The following KIDINS220 variants were observed in gnomAD, a reference collection of about 807,000 sequenced individuals.
KIDINS220 encodes the protein kinase D-interacting substrate of 220 kDa.
In KIDINS220, 63 loss-of-function variants were observed where a neutral mutation model predicts 157.6. The observed-to-expected ratio is 0.40, with a 90% CI of 0.33 to 0.49. The LOEUF (loss-of-function observed/expected upper bound fraction) is 0.49, where lower values mean the gene tolerates loss of function less well. Ranked by LOEUF, KIDINS220 falls within the 20% of genes least tolerant of loss-of-function variation. The probability of loss-of-function intolerance (pLI) is 0.66; values close to 1 mark genes in which losing one functional copy is unlikely to be tolerated. For missense variants in KIDINS220, 1,772 were observed against 2,171.2 expected (o/e 0.82, Z 3.65); for synonymous variants, 732 against 783.6 (o/e 0.93, Z 1.10).
At chr2:8,799,108 T>A (rs1674350421) in intron 9 of KIDINS220, among the ~76,000 whole-genome samples, 1 of 152,020 alleles carries the variant, frequency 6.6e-6, no homozygotes, top group Non-Finnish European at 1.5e-5. Flanking sequence ...ATTTCATTTC[T>A]CCACCTCTCC....
chr2:8,836,825 A>T (rs1423282151), intron 1 of KIDINS220, among the ~76,000 whole-genome samples: 1 of 152,220 alleles, frequency 6.6e-6, no homozygotes, highest in Admixed American at 6.5e-5. Context: ...GCCCATAGGG[A>T]GCAGAGATGG....
intron 2 of KIDINS220, among the ~76,000 whole-genome samples, chr2:8,819,380 G>A (rs1677566502): frequency 6.6e-6 from 1 of 152,164 alleles, no homozygotes; most frequent in Non-Finnish European, 1.5e-5. Flanking sequence ...GGAGTACAGA[G>A]ACGATGCTCC....
chr2:8,732,158 G>A (rs2147948399), intron 29 of KIDINS220, among the ~76,000 whole-genome samples, 176 bp from the exon 30 acceptor site: 1 of 152,250 alleles, frequency 6.6e-6, no homozygotes, highest in South Asian at 2.1e-4. Flanking sequence ...TTATAATGCT[G>A]TTACTAGAAA....
chr2:8,796,597 GCCCA>G (rs957303009), intron 11 of KIDINS220, among the ~76,000 whole-genome samples, 170 bp downstream of exon 11: 1 of 152,088 alleles, frequency 6.6e-6, no homozygotes, highest in African/African-American at 2.4e-5. Flanking sequence ...AGCACACTGA[GCCCA>G]CCCACTCCTC....
intron 8 of KIDINS220, 126 bp downstream of exon 8, chr2:8,802,804 G>A (rs1674902428): frequency 1.4e-6 from 1 of 690,452 alleles, no homozygotes; most frequent in African/African-American, 1.8e-5. Context: ...TAGTTTCAAA[G>A]GCAGAAATAA....
chr2:8,753,744 G>A (rs1383435105), intron 22 of KIDINS220, among the ~76,000 whole-genome samples: 1 of 152,158 alleles, frequency 6.6e-6, no homozygotes, highest in East Asian at 1.9e-4. Flanking sequence ...TTTGGGACTA[G>A]CACTTTACTG....
intron 28 of KIDINS220, among the ~76,000 whole-genome samples, chr2:8,733,885 C>A (rs1383545066): frequency 6.6e-6 from 1 of 152,088 alleles, no homozygotes; most frequent in Non-Finnish European, 1.5e-5. Context: ...TGGTAGAAAC[C>A]ACCATACATA....
chr2:8,751,456 T>C lies in KIDINS220; in HGVS notation c.3190+10A>G. 6.3e-7 allele frequency: 1 copy of C among 1,591,586 alleles called. No homozygotes were observed. Among genetic ancestry groups the C allele is most frequent in the East Asian group, 2.2e-5 (1 of 44,756 alleles). On this transcript the variant is annotated intron_variant, in intron 23 of 29. Transcript: ENST00000256707. ...TTAGATGAAAAATTAAATTTACTAC[T>C]AATACCCACCTGCAATAATTTCCCG...
chr2:8,769,380 A>G (rs1453255178), intron 22 of KIDINS220, among the ~76,000 whole-genome samples: 1 of 152,226 alleles, frequency 6.6e-6, no homozygotes, highest in East Asian at 1.9e-4. Context: ...TAAAGCAGCC[A>G]CAAATTCCTT....
At chr2:8,772,189 G>A (rs1227863927) in intron 21 of KIDINS220, among the ~76,000 whole-genome samples, 1 of 152,020 alleles carries the variant, frequency 6.6e-6, no homozygotes, top group Non-Finnish European at 1.5e-5. Context: ...AAGTATGAGT[G>A]AATAGGCCAG....
chr2:8,835,453 C>G (rs375367468), intron 1 of KIDINS220, among the ~76,000 whole-genome samples: 1 of 152,092 alleles, frequency 6.6e-6, no homozygotes, highest in Non-Finnish European at 1.5e-5. Context: ...AAACCAGAGA[C>G]TGGGCCAATC....
chr2:8,749,150 T>C (rs945523961), intron 24 of KIDINS220, among the ~76,000 whole-genome samples: 1 of 152,218 alleles, frequency 6.6e-6, no homozygotes, highest in African/African-American at 2.4e-5. Context: ...CTTTAAACAG[T>C]ACCTAATTAC....
intron 1 of KIDINS220, among the ~76,000 whole-genome samples, chr2:8,832,689 A>C (rs747556217): frequency 5.3e-5 from 8 of 152,156 alleles, no homozygotes; most frequent in Non-Finnish European, 1.0e-4. Flanking sequence ...TTTCAATAGA[A>C]AAAAAAATGT....
Position 8,779,695 on chromosome 2 carries a change from T to C in KIDINS220, c.2349A>G (p.Lys783=). Residue 783 remains lysine, a synonymous_variant, in exon 18 of 30, where the codon AAA becomes AAG. Transcript: ENST00000256707. Reference sequence around the variant, plus strand: ...GTACAGTGTCCAGCATCTGAAGGACTTTGTCCTGCTCACAGGCATCTAATC... The same window carrying C: ...GTACAGTGTCCAGCATCTGAAGGACCTTGTCCTGCTCACAGGCATCTAATC... ...IDGLDACEQD[K]VLQMLDTVRV... is the part of the protein sequence containing the mutation. 1 of 1,614,126 alleles carries C rather than the reference T, an allele frequency of 6.2e-7. No homozygotes were observed. Among genetic ancestry groups the C allele is most frequent in the Non-Finnish European group, 8.5e-7 (1 of 1,179,976 alleles).
In KIDINS220 at chr2:8,744,389, ATATATATATATAATATATATATAT is replaced by A. The variant is rs1250232757; in HGVS notation, c.3585+2732_3585+2755del. ...AAAAAAAAAAAAAAAAAAAAAAAAA[ATATATATATATAATATATATATAT>A]ATATATATATATATATATATATATA... is the stretch of plus-strand genomic sequence containing the variant. On this transcript the variant is annotated intron_variant, in intron 26 of 29. Coordinates refer to ENST00000256707, the MANE Select transcript of KIDINS220 (RefSeq NM_020738.4). Among the ~76,000 whole-genome samples the A allele has an allele frequency of 2.9e-4, 8 of 27,890 alleles. No individual in the cohort carries two copies. The South Asian group carries it at 6.5e-3, about 23-fold the overall frequency. 18.3% of individuals were successfully genotyped at this position (27,890 alleles called of 152,430 possible). A position where few individuals can be genotyped will look rare whatever the true frequency, so the allele number is the denominator to read the frequency against.
At chr2:8,804,658 T>C in intron 7 of KIDINS220, among the ~76,000 whole-genome samples, 1 of 152,368 alleles carries the variant, frequency 6.6e-6, no homozygotes, top group Middle Eastern at 3.4e-3. Context: ...AAAAATATTT[T>C]AATGCAGCAC....
chr2:8,764,550 A>G (rs1463798592), intron 22 of KIDINS220, among the ~76,000 whole-genome samples: 3 of 152,236 alleles, frequency 2.0e-5, no homozygotes, highest in Non-Finnish European at 4.4e-5. Flanking sequence ...GACATAAGGC[A>G]GAAGCCGCCA....
chr2:8,726,883 A>C (rs893846129), downstream of KIDINS220: 87 of 1,286,314 alleles, frequency 6.8e-5, no homozygotes, highest in Non-Finnish European at 8.4e-5. Context: ...AATTTTTTAC[A>C]TACCTTAGTT....
chr2:8,748,528 A>G (rs1666875818), intron 24 of KIDINS220, among the ~76,000 whole-genome samples: 1 of 152,216 alleles, frequency 6.6e-6, no homozygotes, highest in Non-Finnish European at 1.5e-5. Flanking sequence ...AACCTAAATA[A>G]GCAAGCATAT....
Sources: gnomAD v4.1 joint callset for allele counts (sites outside exome capture counted in the v4.1 genomes callset) on GRCh38, gnomAD v4.1.1 for gene constraint, MANE v1.5 for transcripts, NCBI Gene and HGNC (gene_info 2026-07-23, HGNC 2026-07-21) for gene names.